RIMS2: variants seen among roughly 807,000 people sequenced by gnomAD.
RIMS2 encodes regulating synaptic membrane exocytosis 2.
Under a neutral mutation model 174.4 loss-of-function variants are expected in RIMS2, and 59 were observed. That is an observed-to-expected ratio of 0.34 (90% CI 0.27 to 0.42). The LOEUF (loss-of-function observed/expected upper bound fraction) is 0.42. RIMS2 is among the 10% of genes least tolerant of loss of function. RIMS2 has a pLI of 1.00. For missense variants in RIMS2, 1,620 were observed against 1,666.3 expected (o/e 0.97, Z 0.48); for synonymous variants, 606 against 572.5 (o/e 1.06, Z -0.84).
chr8:104,093,573 G>A (rs202245389), intron 19 of RIMS2: 2 of 1,597,526 alleles, frequency 1.3e-6, no homozygotes, highest in South Asian at 2.2e-5. Flanking sequence ...GACTAGTAGT[G>A]CTTCTCGTTT....
intron 1 of RIMS2, among the ~76,000 whole-genome samples, chr8:103,622,415 T>G (rs945071726): frequency 6.6e-6 from 1 of 152,104 alleles, no homozygotes; most frequent in Non-Finnish European, 1.5e-5. Context: ...ACAAAACACA[T>G]AAAAATGTTA....
chr8:103,657,399 T>G (rs1381384307), intron 1 of RIMS2, among the ~76,000 whole-genome samples: 1 of 152,172 alleles, frequency 6.6e-6, no homozygotes, highest in African/African-American at 2.4e-5. Flanking sequence ...GCTCACAGAT[T>G]ATTGCCTAAA....
chr8:104,079,626 T>G (rs1238205292), intron 19 of RIMS2, among the ~76,000 whole-genome samples: 10 of 134,054 alleles, frequency 7.5e-5, no homozygotes, highest in Non-Finnish European at 1.3e-4. Context: ...TATATATATA[T>G]ATATATATAT....
At chr8:103,719,649 C>A (rs914008706) in intron 2 of RIMS2, among the ~76,000 whole-genome samples, 1 of 152,054 alleles carries the variant, frequency 6.6e-6, no homozygotes, top group African/African-American at 2.4e-5. Context: ...TACATAGGAT[C>A]AAAATAAAGA....
intron 1 of RIMS2, among the ~76,000 whole-genome samples, chr8:103,613,631 T>C (rs1399317408): frequency 6.6e-6 from 1 of 152,192 alleles, no homozygotes; most frequent in Non-Finnish European, 1.5e-5. Flanking sequence ...AGTATTTCAC[T>C]ATAGCCACCG....
At chr8:104,181,011 G>C (rs575584448) in intron 19 of RIMS2, among the ~76,000 whole-genome samples, 1 of 151,710 alleles carries the variant, frequency 6.6e-6, no homozygotes, top group East Asian at 1.9e-4. Context: ...TAATTCTTTC[G>C]AAGCTATTTG....
chr8:103,516,614 C>A (rs944514862), intron 1 of RIMS2, among the ~76,000 whole-genome samples: 1 of 151,960 alleles, frequency 6.6e-6, no homozygotes. Context: ...AATTTATATC[C>A]TATGTGGGAC....
chr8:104,192,430 A>T (rs2099002710), intron 19 of RIMS2, among the ~76,000 whole-genome samples: 1 of 152,214 alleles, frequency 6.6e-6, no homozygotes, highest in Admixed American at 6.6e-5. Flanking sequence ...CTTATACTTT[A>T]AATTTCATTT....
intron 19 of RIMS2, among the ~76,000 whole-genome samples, chr8:104,221,815 TG>T (rs2099156685): frequency 1.3e-5 from 2 of 152,206 alleles, no homozygotes; most frequent in Non-Finnish European, 2.9e-5. Flanking sequence ...TTCTAAATTG[TG>T]ATGTGCAATG....
intron 19 of RIMS2, among the ~76,000 whole-genome samples, chr8:104,076,802 A>G (rs9297343): frequency 0.57 from 85,601 of 150,798 alleles, 27,105 homozygotes; most frequent in East Asian, 0.92. Context: ...ACCTACCTCC[A>G]AGGATTGTTT....
chr8:103,974,643 A>T (rs989909554), intron 15 of RIMS2, among the ~76,000 whole-genome samples: 2 of 152,274 alleles, frequency 1.3e-5, no homozygotes, highest in South Asian at 4.1e-4. Context: ...ACTTTGTATA[A>T]ATGTGTCAGA....
Position 103,918,473 on chromosome 8 carries a change from C to T in RIMS2, c.2069C>T (p.Ala690Val), listed in dbSNP as rs766459274. The T allele has an allele frequency of 1.2e-5, 20 of 1,604,568 alleles. No homozygotes were observed. In the South Asian group the frequency reaches 1.9e-4, roughly 15 times the overall value. The change falls in exon 9 of 24, where the codon GCA becomes GTA. Residue 690 changes from alanine to valine, a missense_variant. Transcript: ENST00000504942. The stretch of plus-strand genomic sequence containing the variant: ...CCGCGAATACCTGATAGCACACATG[C>T]ACAACTGGAGTCCAGTAAGTTTTAT...
chr8:103,605,779 TA>T (rs1479201971), intron 1 of RIMS2, among the ~76,000 whole-genome samples: 3 of 152,022 alleles, frequency 2.0e-5, no homozygotes, highest in African/African-American at 7.2e-5. Flanking sequence ...TTTTCTAGTT[TA>T]TTTGCATAGA....
chr8:104,014,565 G>A (rs752574736), exon 19 of RIMS2: 29 of 1,613,098 alleles, frequency 1.8e-5, no homozygotes, highest in Non-Finnish European at 2.2e-5. Flanking sequence ...GTCGCAGGAC[G>A]AAGGGGCCGA....
chr8:103,797,002 TTA>T (rs1325860762), intron 3 of RIMS2, among the ~76,000 whole-genome samples: 2 of 151,984 alleles, frequency 1.3e-5, no homozygotes, highest in Non-Finnish European at 2.9e-5. Context: ...GGGAAACAGT[TTA>T]TAATTTTAAA....
intron 17 of RIMS2, among the ~76,000 whole-genome samples, chr8:104,002,417 T>C (rs573081420): frequency 4.6e-5 from 7 of 152,130 alleles, no homozygotes; most frequent in Non-Finnish European, 1.0e-4. Flanking sequence ...CTTTCTCTTG[T>C]AGAATTGTTT....
At chr8:103,581,208 A>T (rs770121200) in intron 1 of RIMS2, among the ~76,000 whole-genome samples, 3 of 152,192 alleles carry the variant, frequency 2.0e-5, no homozygotes, top group Non-Finnish European at 4.4e-5. Context: ...AGAAGACTGT[A>T]GAGCATAAAT....
chr8:104,050,081 G>T (rs1281265172), intron 19 of RIMS2, among the ~76,000 whole-genome samples: 1 of 152,040 alleles, frequency 6.6e-6, no homozygotes, highest in African/African-American at 2.4e-5. Flanking sequence ...AGCAAATTTG[G>T]CTATGCTAGA....
intron 3 of RIMS2, chr8:103,880,599 G>A: frequency 2.2e-6 from 1 of 464,226 alleles, no homozygotes; most frequent in Non-Finnish European, 3.9e-6. Context: ...GGGCTAGAAG[G>A]ATTAAATGAA....
Sources: allele counts gnomAD v4.1 joint callset (sites outside exome capture counted in the v4.1 genomes callset), GRCh38; gene constraint gnomAD v4.1.1; transcripts MANE v1.5; gene names NCBI Gene and HGNC (gene_info 2026-07-23, HGNC 2026-07-21).